Variants in FHIT observed in about 807,000 individuals in gnomAD.
FHIT encodes the protein fragile histidine triad diadenosine triphosphatase, also known as bis(5'-adenosyl)-triphosphatase.
FHIT carries 19 observed loss-of-function variants against 17.9 expected under a neutral mutation model. The observed-to-expected ratio is 1.06, with a 90% CI of 0.74 to 1.56. FHIT has a LOEUF of 1.56. FHIT is among the 40% of genes most tolerant of loss of function. FHIT has a pLI of 0.00. For synonymous variants in FHIT, 81 were observed against 69.7 expected, an observed-to-expected ratio of 1.16 and a Z score of -0.81; for missense variants, 248 against 189.2, an observed-to-expected ratio of 1.31 and a Z score of -1.82.
chr3:59,875,442 T>C (rs1370273768), intron 8 of FHIT, among the ~76,000 whole-genome samples: 1 of 152,210 alleles, frequency 6.6e-6, no homozygotes, highest in Non-Finnish European at 1.5e-5. Context: ...TCCTCAAGAC[T>C]CTTGTCTGAT....
intron 4 of FHIT, among the ~76,000 whole-genome samples, chr3:60,599,684 T>TTAAA: frequency 6.9e-6 from 1 of 143,980 alleles, no homozygotes; most frequent in East Asian, 2.1e-4. Context: ...AAGGACAAGT[T>TTAAA]AAAAAAAAAA....
intron 1 of FHIT, among the ~76,000 whole-genome samples, chr3:61,228,352 C>A (rs2040019871): frequency 6.6e-6 from 1 of 152,158 alleles, no homozygotes; most frequent in Non-Finnish European, 1.5e-5. Context: ...ACAAACAAAC[C>A]TTATTAAACT....
chr3:60,392,261 A>C (rs532771466), intron 5 of FHIT, among the ~76,000 whole-genome samples: 1 of 152,332 alleles, frequency 6.6e-6, no homozygotes, highest in East Asian at 1.9e-4. Context: ...TGAGGCAAGA[A>C]CATGCATCAA....
chr3:60,500,559 C>T (rs2034481537), intron 5 of FHIT, among the ~76,000 whole-genome samples: 1 of 151,806 alleles, frequency 6.6e-6, no homozygotes, highest in South Asian at 2.1e-4. Context: ...CATTTGAGGT[C>T]AGGAGTTTGA....
At chr3:60,055,443 ACTTT>A (rs1179018050) in intron 5 of FHIT, among the ~76,000 whole-genome samples, 4 of 126,242 alleles carry the variant, frequency 3.2e-5, no homozygotes, top group South Asian at 2.3e-4. Context: ...ATGGTGATGG[ACTTT>A]CTTTTTTTTT....
At chr3:60,660,914 G>A (rs2040233015) in intron 4 of FHIT, among the ~76,000 whole-genome samples, 1 of 151,476 alleles carries the variant, frequency 6.6e-6, no homozygotes, top group Non-Finnish European at 1.5e-5. Flanking sequence ...CAACCAGCCT[G>A]TAAATTGACT....
At chr3:61,215,989 A>T (rs1454656808) in intron 1 of FHIT, among the ~76,000 whole-genome samples, 1 of 147,426 alleles carries the variant, frequency 6.8e-6, no homozygotes, top group Non-Finnish European at 1.5e-5. Flanking sequence ...TATACAAATT[A>T]ATTCAAGATG....
At chr3:60,045,079 G>T (rs1202144415) in intron 5 of FHIT, among the ~76,000 whole-genome samples, 1 of 152,140 alleles carries the variant, frequency 6.6e-6, no homozygotes, top group Non-Finnish European at 1.5e-5. Context: ...ATGGGGAGTT[G>T]TTGCTTAATG....
chr3:61,077,121 A>T (rs1285967946), intron 2 of FHIT, among the ~76,000 whole-genome samples: 1 of 152,176 alleles, frequency 6.6e-6, no homozygotes, highest in Non-Finnish European at 1.5e-5. Flanking sequence ...ACCAACAAAC[A>T]TTTGTTTGAT....
chr3:60,244,308 G>A (rs978784221), intron 5 of FHIT, among the ~76,000 whole-genome samples: 1 of 152,020 alleles, frequency 6.6e-6, no homozygotes, highest in African/African-American at 2.4e-5. Context: ...TGGGGGGAGG[G>A]ATGGAATTTC....
At chr3:60,338,105 G>C (rs1004864288) in intron 5 of FHIT, among the ~76,000 whole-genome samples, 2 of 152,134 alleles carry the variant, frequency 1.3e-5, no homozygotes, top group Non-Finnish European at 2.9e-5. Context: ...GGACAGGATG[G>C]AATGCGTTTT....
At chr3:59,950,335 A>G (rs1189744588) in intron 7 of FHIT, among the ~76,000 whole-genome samples, 1 of 152,096 alleles carries the variant, frequency 6.6e-6, no homozygotes, top group Non-Finnish European at 1.5e-5. Flanking sequence ...CCCTGCCCTC[A>G]TCACCTGTCC....
chr3:60,650,269 T>C (rs1287971638), intron 4 of FHIT, among the ~76,000 whole-genome samples: 1 of 152,220 alleles, frequency 6.6e-6, no homozygotes, highest in Non-Finnish European at 1.5e-5. Flanking sequence ...AGTCATTTCT[T>C]TGTCTTAGTT....
At chr3:60,371,768 A>G (rs766507241) in intron 5 of FHIT, among the ~76,000 whole-genome samples, 3 of 151,882 alleles carry the variant, frequency 2.0e-5, no homozygotes, top group Non-Finnish European at 4.4e-5. Context: ...GTAGCAGGAC[A>G]TTGGGGAAGT....
chr3:60,325,680 A>G (rs1215518484), intron 5 of FHIT, among the ~76,000 whole-genome samples: 3 of 152,236 alleles, frequency 2.0e-5, no homozygotes, highest in Non-Finnish European at 2.9e-5. Context: ...AGACATTTCA[A>G]ACATCATAAA....
intron 5 of FHIT, among the ~76,000 whole-genome samples, chr3:60,275,888 A>C (rs748479625): frequency 6.6e-5 from 10 of 152,206 alleles, no homozygotes; most frequent in Non-Finnish European, 1.3e-4. Context: ...TGCACAAATT[A>C]AGCCAGTTTC....
chr3:61,127,630 C>T (rs1469209661), intron 2 of FHIT, among the ~76,000 whole-genome samples: 6 of 151,954 alleles, frequency 3.9e-5, no homozygotes, highest in African/African-American at 4.8e-5. Flanking sequence ...TTTGGGAGGC[C>T]GAGGTGGGTA....
chr3:60,659,460 A>G (rs1300133616), intron 4 of FHIT, among the ~76,000 whole-genome samples: 1 of 150,672 alleles, frequency 6.6e-6, no homozygotes, highest in East Asian at 1.9e-4. Flanking sequence ...TTCTTCTTCA[A>G]TATTTTTTCT....
chr3:60,247,938 A>G (rs1705487632), intron 5 of FHIT, among the ~76,000 whole-genome samples: 1 of 152,184 alleles, frequency 6.6e-6, no homozygotes, highest in African/African-American at 2.4e-5. Flanking sequence ...GGGAACTACA[A>G]GTAATTTTTT....
Sources: gnomAD v4.1 joint callset for allele counts (sites outside exome capture counted in the v4.1 genomes callset) on GRCh38, gnomAD v4.1.1 for gene constraint, MANE v1.5 for transcripts, NCBI Gene and HGNC (gene_info 2026-07-23, HGNC 2026-07-21) for gene names.